The following DNAI7 variants were observed in gnomAD, a reference collection of about 807,000 sequenced individuals.
DNAI7 encodes the protein dynein axonemal intermediate chain 7.
A neutral mutation model predicts 86.6 loss-of-function variants in DNAI7; 78 were observed. The ratio of observed to expected loss-of-function variants is 0.90; its 90% CI spans 0.75 to 1.09. The LOEUF (loss-of-function observed/expected upper bound fraction) is 1.09. DNAI7 is among the 50% of genes least tolerant of loss of function. The pLI, the probability that DNAI7 is intolerant of heterozygous loss-of-function variation, is 0.00. For synonymous variants in DNAI7, 274 were observed against 273.0 expected (o/e 1.00, Z -0.04); for missense variants, 753 against 810.2 (o/e 0.93, Z 0.86).
rs34164267 is a variant in DNAI7, at chr12:25,114,679, T to C, written c.1588A>G (p.Thr530Ala). ...KVLLTVTTVFTEIQIQIKENL... is the reference protein window; with the variant it reads ...KVLLTVTTVFAEIQIQIKENL... ...ACCTTAATTTGTATTTGAATCTCAGTAAATACTGTAGTCACAGTTAAAAGT... is the reference window on the plus strand; with the variant it reads ...ACCTTAATTTGTATTTGAATCTCAGCAAATACTGTAGTCACAGTTAAAAGT... The change falls in exon 13 of 16, where the codon ACT (threonine) becomes GCT (alanine). Residue 530 changes from threonine (T) to alanine (A), a missense_variant. Transcript: ENST00000395987. 12,817 of 1,610,920 alleles carry C rather than the reference T, an allele frequency of 8.0e-3. 337 individuals carry two copies. The African/African-American group carries it at 0.083, about 10-fold the overall frequency.
chr12:25,117,561 AT>A (rs1940372495), intron 12 of DNAI7, among the ~76,000 whole-genome samples: 1 of 152,206 alleles, frequency 6.6e-6, no homozygotes, highest in South Asian at 2.1e-4. Context: ...AATGGCATAC[AT>A]TAACTCACCA....
intron 6 of DNAI7, among the ~76,000 whole-genome samples, chr12:25,151,272 C>A (rs1201126635): frequency 1.4e-4 from 22 of 152,084 alleles, no homozygotes; most frequent in Admixed American, 1.4e-3. Flanking sequence ...ATTATGAGAA[C>A]TCAGAAAGCC....
At chr12:25,193,970 C>T (rs1004734355) in intron 1 of DNAI7, among the ~76,000 whole-genome samples, 4 of 152,080 alleles carry the variant, frequency 2.6e-5, no homozygotes, top group South Asian at 2.1e-4. Context: ...TACAGGTGCG[C>T]GCCAACACGC....
chr12:25,121,852 C>T lies in DNAI7; in HGVS notation c.1140G>A (p.Val380=), dbSNP rs1433049289. 2.5e-6 allele frequency: 4 copies of T among 1,598,890 alleles called. No homozygotes were observed. In the African/African-American group the frequency reaches 4.1e-5, roughly 16 times the overall value. ...CCAGAGTTGTGAACTGGCATAAATC[C>T]ACCACATTGTCTTCAAAGAAATCTG... ...EKPDFFEDNV[V]DLCQFTTLGG... Residue 380 remains valine (V), a synonymous_variant, in exon 11 of 16, where the codon GTG becomes GTA. Coordinates refer to ENST00000395987, the MANE Select transcript of DNAI7 (RefSeq NM_018272.5).
Position 25,108,382 on chromosome 12 carries a change from A to C in DNAI7, c.*166T>G. ...TAACAGGCCAAGTATTCAAAGGAAAAAAAAATACTGTTTTTAAAATAAAAC... is the reference window on the plus strand; with the variant it reads ...TAACAGGCCAAGTATTCAAAGGAAACAAAAATACTGTTTTTAAAATAAAAC... On this transcript the variant is annotated 3_prime_UTR_variant, in exon 16 of 16. Coordinates refer to ENST00000395987, the MANE Select transcript of DNAI7 (RefSeq NM_018272.5). 1.5e-6 allele frequency: 1 copy of C among 647,726 alleles called. No homozygotes were observed. Among genetic ancestry groups the C allele is most frequent in the Non-Finnish European group, 2.4e-6 (1 of 408,632 alleles). 40.1% of individuals were successfully genotyped at this position (647,726 alleles called of 1,614,324 possible).
At chr12:25,168,722 A>T (rs543709131) in intron 2 of DNAI7, among the ~76,000 whole-genome samples, 2 of 152,272 alleles carry the variant, frequency 1.3e-5, no homozygotes, top group South Asian at 4.1e-4. Flanking sequence ...CCAACCAAGC[A>T]AGTAATTACG....
intron 6 of DNAI7, 99 bp from the exon 7 acceptor site, chr12:25,149,873 C>A: frequency 1.5e-6 from 1 of 663,766 alleles, no homozygotes; most frequent in South Asian, 2.2e-5. Flanking sequence ...GGAACACATC[C>A]TTAGCAAAAC....
At chr12:25,187,153 C>T (rs988283894) in intron 2 of DNAI7, among the ~76,000 whole-genome samples, 3 of 152,186 alleles carry the variant, frequency 2.0e-5, no homozygotes, top group East Asian at 1.9e-4. Context: ...AACTACAAAC[C>T]GGCTCCTGAT....
At chr12:25,179,170 A>G (rs1056659833) in intron 2 of DNAI7, among the ~76,000 whole-genome samples, 7 of 152,102 alleles carry the variant, frequency 4.6e-5, no homozygotes, top group Non-Finnish European at 8.8e-5. Flanking sequence ...AATTCCAAGC[A>G]TATTGTACCT....
chr12:25,121,857 C>A lies in DNAI7; in HGVS notation c.1135G>T (p.Val379Leu). The A allele has an allele frequency of 6.3e-7, 1 of 1,595,188 alleles. No homozygotes were observed. Among genetic ancestry groups the A allele is most frequent in the Middle Eastern group, 1.7e-4 (1 of 6,010 alleles). ...GTTGTGAACTGGCATAAATCCACCA[C>A]ATTGTCTTCAAAGAAATCTGGCTTT... ...SEKPDFFEDN[V>L]VDLCQFTTLG... Residue 379 changes from valine (V) to leucine (L), a missense_variant, in exon 11 of 16, where the codon GTG (valine) becomes TTG (leucine). Transcript: ENST00000395987.
At position 25,127,889 on chromosome 12, in the gene DNAI7, A is replaced by G. The variant is rs549116973; in HGVS notation, c.1003-4603T>C. 3.9e-5 allele frequency among the ~76,000 whole-genome samples: 6 copies of G among 152,342 alleles called. No individual in the cohort carries two copies. The South Asian group carries it at 1.2e-3, about 32-fold the overall frequency. ...AGCATATGGCATTTCAGATCAATGG[A>G]AAACGCCTAGGTTTATATGGTATGT... On this transcript the variant is annotated intron_variant, in intron 9 of 15. Coordinates refer to ENST00000395987, the MANE Select transcript of DNAI7 (RefSeq NM_018272.5).
At chr12:25,189,885 T>C (rs1433015202) in intron 2 of DNAI7, among the ~76,000 whole-genome samples, 1 of 152,030 alleles carries the variant, frequency 6.6e-6, no homozygotes, top group Non-Finnish European at 1.5e-5. Flanking sequence ...GCCCAGCCAA[T>C]TGTTGCCTTA....
intron 8 of DNAI7, among the ~76,000 whole-genome samples, chr12:25,145,096 T>G (rs1240524893): frequency 6.6e-6 from 1 of 152,210 alleles, no homozygotes; most frequent in Non-Finnish European, 1.5e-5. Flanking sequence ...TAGGTTTGGG[T>G]AGGAGTATGA....
rs1224339393 is a variant in DNAI7 at position 25,122,808 on chromosome 12, T to TTTTTAA, written c.1078+402_1078+403insTTAAAA. On this transcript the variant is annotated intron_variant, in intron 10 of 15. Coordinates refer to ENST00000395987, the MANE Select transcript of DNAI7 (RefSeq NM_018272.5). The stretch of plus-strand genomic sequence containing the variant: ...AATACAAAATTAGAAACAACCTGCC[T>TTTTTAA]ATCAATAGGGATTTAAAAAGTGTTC... 3.9e-5 allele frequency among the ~76,000 whole-genome samples: 6 copies of TTTTTAA among 152,350 alleles called. No homozygotes were observed. In the East Asian group the frequency reaches 1.2e-3, roughly 29 times the overall value.
intron 4 of DNAI7, among the ~76,000 whole-genome samples, chr12:25,155,747 T>C (rs962488944): frequency 2.0e-5 from 3 of 152,186 alleles, no homozygotes; most frequent in Non-Finnish European, 2.9e-5. Context: ...TTAGCACAGA[T>C]CAGACAGTGA....
chr12:25,124,357 T>C (rs1941784051), intron 9 of DNAI7, among the ~76,000 whole-genome samples: 1 of 150,332 alleles, frequency 6.7e-6, no homozygotes, highest in Non-Finnish European at 1.5e-5. Context: ...TATTTATTCA[T>C]TCAAAAAAAA....
At chr12:25,112,382 T>C (rs906635896) in intron 13 of DNAI7, among the ~76,000 whole-genome samples, 3 of 151,072 alleles carry the variant, frequency 2.0e-5, no homozygotes, top group Non-Finnish European at 4.4e-5. Context: ...TTTGAAGGTG[T>C]ATAGAATTCA....
At chr12:25,152,882 A>T (rs12830058) in intron 6 of DNAI7, among the ~76,000 whole-genome samples, 5 of 152,028 alleles carry the variant, frequency 3.3e-5, no homozygotes, top group African/African-American at 1.2e-4. Context: ...TATAAACGCT[A>T]GTTTTTCGTT....
In DNAI7 at chr12:25,154,299, G is replaced by A. The variant is rs1945898603; in HGVS notation, c.438+20C>T. ...ACTATTTGTAATAGCCAGTTTATAG[G>A]AAAATGCATAAATACCTACATTTAG... On this transcript the variant is annotated intron_variant, in intron 6 of 15. Transcript: ENST00000395987. The A allele has an allele frequency of 6.4e-7, 1 of 1,570,428 alleles. No individual in the cohort carries two copies. The highest frequency in any genetic ancestry group is 8.6e-7 in the Non-Finnish European group (1 of 1,166,760).
Sources: allele counts gnomAD v4.1 joint callset (sites outside exome capture counted in the v4.1 genomes callset), GRCh38; gene constraint gnomAD v4.1.1; transcripts MANE v1.5; gene names NCBI Gene and HGNC (gene_info 2026-07-23, HGNC 2026-07-21).